The following TNNT2 variants were observed in gnomAD, a reference collection of about 807,000 sequenced individuals.
TNNT2 encodes the protein troponin T, cardiac muscle.
In TNNT2, 34 loss-of-function variants were observed where a neutral mutation model predicts 62.4. That is an observed-to-expected ratio of 0.54 (90% CI 0.41 to 0.72). TNNT2 has a LOEUF of 0.72. Among genes scored for constraint, TNNT2 ranks in the 30% least tolerant of loss-of-function variants. The pLI is 0.00. For missense variants in TNNT2, 275 were observed against 381.9 expected (o/e 0.72, Z 2.33); for synonymous variants, 123 against 127.2 (o/e 0.97, Z 0.22).
At chr1:201,360,090 G>A (rs908121738) in intron 15 of TNNT2, among the ~76,000 whole-genome samples, 5 of 152,184 alleles carry the variant, frequency 3.3e-5, no homozygotes, top group Admixed American at 2.6e-4. Context: ...CACCACCCCT[G>A]CAGGGTGCTG....
At chr1:201,363,523 A>G (rs370892963) in intron 11 of TNNT2, 117 bp from the exon 12 acceptor site, 1 of 937,868 alleles carries the variant, frequency 1.1e-6, no homozygotes. Context: ...CTCAGCAAGG[A>G]GCTTTCTGAG....
chr1:201,367,010 G>T, intron 7 of TNNT2, 139 bp from the exon 8 acceptor site: 1 of 1,407,284 alleles, frequency 7.1e-7, no homozygotes, highest in Non-Finnish European at 9.8e-7. Context: ...GGGGAGCCCT[G>T]ATTCCAGAAG....
chr1:201,373,107 A>T (rs748189524), intron 2 of TNNT2, 107 bp downstream of exon 2: 1 of 1,135,020 alleles, frequency 8.8e-7, no homozygotes, highest in Non-Finnish European at 1.3e-6. Context: ...AAACACACAC[A>T]GCTACTTCTA....
intron 1 of TNNT2, among the ~76,000 whole-genome samples, chr1:201,377,174 A>G (rs1661525585): frequency 6.6e-6 from 1 of 152,214 alleles, no homozygotes; most frequent in East Asian, 1.9e-4. Context: ...CTGGGACTCA[A>G]GAAGGACCTG....
chr1:201,361,152 A>C, intron 15 of TNNT2, 127 bp downstream of exon 15: 1 of 884,716 alleles, frequency 1.1e-6, no homozygotes, highest in Non-Finnish European at 1.9e-6. Context: ...GGGCAGATGC[A>C]GGAGCTGAAG....
In TNNT2 at chr1:201,359,145, T is replaced by C. The variant is rs1364535542; in HGVS notation, c.*65A>G. On this transcript the variant is annotated 3_prime_UTR_variant, in exon 17 of 17. Coordinates refer to ENST00000656932, the MANE Select transcript of TNNT2 (RefSeq NM_001276345.2). ...GGGGTGCCCAGGAGGGCCCGGGAAC[T>C]GGGGGAGTGCAGGCCGGAGGCAGGT... The C allele has an allele frequency of 1.3e-6, 2 of 1,575,992 alleles. No homozygotes were observed. The highest frequency in any genetic ancestry group is 2.7e-5 in the African/African-American group (2 of 74,574).
intron 13 of TNNT2, 174 bp downstream of exon 13, chr1:201,362,212 T>A (rs1658798869): frequency 4.0e-6 from 5 of 1,258,046 alleles, no homozygotes; most frequent in Non-Finnish European, 5.7e-6. Flanking sequence ...GCAAGAAGGA[T>A]CACGTCAGTC....
At position 201,373,267 on chromosome 1, in the gene TNNT2, C is replaced by A; in HGVS notation, c.-13G>T. The A allele has an allele frequency of 6.2e-7, 1 of 1,614,090 alleles. No homozygotes were observed. Among genetic ancestry groups the A allele is most frequent in the South Asian group, 1.1e-5 (1 of 91,082 alleles). The stretch of plus-strand genomic sequence containing the variant: ...CTATGTCAGACATGGTCTCTGCTCT[C>A]CCTCCAAAAGGAGAAAAAAGTCAGT... On this transcript the variant is annotated splice_region_variant and 5_prime_UTR_variant, in exon 2 of 17. Coordinates refer to ENST00000656932, the MANE Select transcript of TNNT2 (RefSeq NM_001276345.2).
In TNNT2 at chr1:201,371,930, G is replaced by A. The variant is rs45514004; in HGVS notation, c.67+97C>T. 1.9e-3 allele frequency: 2,852 copies of A among 1,501,838 alleles called. 38 individuals carry two copies. The African/African-American group carries it at 0.033, about 17-fold the overall frequency. The allele number at this position is 1,501,838 out of a possible 1,614,324, so 93.0% of individuals were successfully genotyped here. Reference sequence around the variant, plus strand: ...GAGGATCTTGCTCAGCTGAGAGTGAGGAGCAGGGACAGATGAGCTGCTTTC... The same window carrying A: ...GAGGATCTTGCTCAGCTGAGAGTGAAGAGCAGGGACAGATGAGCTGCTTTC... On this transcript the variant is annotated intron_variant, in intron 4 of 16. Coordinates refer to ENST00000656932, the MANE Select transcript of TNNT2 (RefSeq NM_001276345.2).
At chr1:201,364,143 C>T in intron 11 of TNNT2, 155 bp downstream of exon 11, 1 of 790,858 alleles carries the variant, frequency 1.3e-6, no homozygotes. Flanking sequence ...CTTGGCCTCC[C>T]AAAGTGCTGG....
intron 8 of TNNT2, chr1:201,366,491 T>G: frequency 2.5e-6 from 3 of 1,182,984 alleles, no homozygotes; most frequent in East Asian, 5.1e-5. Context: ...CTCCCCACAA[T>G]TTGCTTCCCT....
chr1:201,368,137 C>G (rs765718192), intron 6 of TNNT2, 25 bp downstream of exon 6: 14 of 1,613,412 alleles, frequency 8.7e-6, no homozygotes, highest in Non-Finnish European at 1.2e-5. Flanking sequence ...CCCTGAGGCC[C>G]CTGCACCCTC....
At chr1:201,364,420 G>T (rs1174760358) in intron 10 of TNNT2, 45 bp from the exon 11 acceptor site, 2 of 1,594,544 alleles carry the variant, frequency 1.3e-6, no homozygotes, top group South Asian at 2.2e-5. Flanking sequence ...ATAGGGAGAA[G>T]GTGACATCGC....
At chr1:201,377,436 T>A (rs1476349621) in intron 1 of TNNT2, among the ~76,000 whole-genome samples, 187 bp downstream of exon 1, 1 of 152,130 alleles carries the variant, frequency 6.6e-6, no homozygotes, top group Non-Finnish European at 1.5e-5. Flanking sequence ...TTCTCTCTGC[T>A]CTATTGTACC....
At chr1:201,371,434 G>C (rs1222220301) in intron 4 of TNNT2, among the ~76,000 whole-genome samples, 1 of 152,218 alleles carries the variant, frequency 6.6e-6, no homozygotes, top group Admixed American at 6.5e-5. Flanking sequence ...TCAGATCACT[G>C]AGCAATTTCA....
chr1:201,369,734 C>T, intron 5 of TNNT2, 82 bp downstream of exon 5: 1 of 1,589,936 alleles, frequency 6.3e-7, no homozygotes, highest in South Asian at 1.1e-5. Flanking sequence ...CCCCCAGCCC[C>T]CAGAACAGGG....
chr1:201,365,766 C>A, intron 8 of TNNT2, 96 bp from the exon 9 acceptor site: 1 of 1,563,806 alleles, frequency 6.4e-7, no homozygotes, highest in Non-Finnish European at 8.7e-7. Flanking sequence ...CCTAGAGAAT[C>A]TTCCAGCACT....
intron 8 of TNNT2, 122 bp downstream of exon 8, chr1:201,366,716 G>A: frequency 6.2e-7 from 1 of 1,602,032 alleles, no homozygotes; most frequent in South Asian, 1.1e-5. Flanking sequence ...ACTGTACTGT[G>A]GTGCTCTGTG....
At chr1:201,371,979 T>G (rs1050983520) in intron 4 of TNNT2, 48 bp downstream of exon 4, 1 of 1,613,546 alleles carries the variant, frequency 6.2e-7, no homozygotes, top group East Asian at 2.2e-5. Flanking sequence ...GATTTCCACA[T>G]TGCTGAGCCT....
Sources: allele counts gnomAD v4.1 joint callset (sites outside exome capture counted in the v4.1 genomes callset), GRCh38; gene constraint gnomAD v4.1.1; transcripts MANE v1.5; gene names NCBI Gene and HGNC (gene_info 2026-07-23, HGNC 2026-07-21).